The following TNIK variants were observed in gnomAD, a reference collection of about 807,000 sequenced individuals.
The protein encoded by TNIK is TRAF2 and NCK interacting kinase.
In TNIK, 49 loss-of-function variants were observed where a neutral mutation model predicts 191.3. The ratio of observed to expected loss-of-function variants is 0.26; its 90% confidence interval spans 0.20 to 0.32. TNIK has a LOEUF of 0.32. TNIK is among the 10% of genes least tolerant of loss of function. The pLI is 1.00. For missense variants in TNIK, 1,155 were observed against 1,702.3 expected, an observed-to-expected ratio of 0.68 and a Z score of 5.66; for synonymous variants, 594 against 600.9, an observed-to-expected ratio of 0.99 and a Z score of 0.17.
At chr3:171,116,140 C>G (rs138757097) in intron 18 of TNIK, among the ~76,000 whole-genome samples, 54 of 152,326 alleles carry the variant, frequency 3.5e-4, no homozygotes, top group African/African-American at 1.0e-3. Flanking sequence ...TCTACCTTTT[C>G]TTTTGGTAAA....
At chr3:171,427,434 T>C (rs1167110354) in intron 1 of TNIK, among the ~76,000 whole-genome samples, 1 of 152,216 alleles carries the variant, frequency 6.6e-6, no homozygotes, top group Non-Finnish European at 1.5e-5. Context: ...ATTGCCTCTG[T>C]AATCTACTAG....
chr3:171,442,656 A>G (rs1726970380), intron 1 of TNIK, among the ~76,000 whole-genome samples: 1 of 152,052 alleles, frequency 6.6e-6, no homozygotes, highest in South Asian at 2.1e-4. Flanking sequence ...AGTGATGAGG[A>G]CCTATAATAA....
At chr3:171,315,348 A>G (rs1754487393) in intron 2 of TNIK, among the ~76,000 whole-genome samples, 1 of 152,172 alleles carries the variant, frequency 6.6e-6, no homozygotes, top group South Asian at 2.1e-4. Flanking sequence ...TGGAACAAAT[A>G]TCCTGAACTC....
chr3:171,270,166 C>G (rs1009188802), intron 2 of TNIK, among the ~76,000 whole-genome samples: 1 of 152,128 alleles, frequency 6.6e-6, no homozygotes, highest in African/African-American at 2.4e-5. Context: ...TTAGAAGGAG[C>G]TACTCAGATA....
chr3:171,135,827 G>A (rs1345231239), intron 15 of TNIK, among the ~76,000 whole-genome samples: 1 of 152,162 alleles, frequency 6.6e-6, no homozygotes, highest in Non-Finnish European at 1.5e-5. Context: ...TGACCAGGAA[G>A]CATGAGGGAA....
intron 10 of TNIK, among the ~76,000 whole-genome samples, chr3:171,166,886 T>G (rs1032166577): frequency 6.6e-6 from 1 of 152,194 alleles, no homozygotes; most frequent in African/African-American, 2.4e-5. Flanking sequence ...AGGTAATGTT[T>G]CTTGCAGTTC....
chr3:171,258,887 T>C (rs1747231426), intron 2 of TNIK, among the ~76,000 whole-genome samples: 1 of 152,338 alleles, frequency 6.6e-6, no homozygotes, highest in Admixed American at 6.5e-5. Flanking sequence ...CTCCTTGGAC[T>C]GCTCAGAAGT....
chr3:171,337,914 A>G (rs1202545716), intron 2 of TNIK, among the ~76,000 whole-genome samples: 1 of 152,242 alleles, frequency 6.6e-6, no homozygotes, highest in Admixed American at 6.5e-5. Flanking sequence ...TAGGAAACTG[A>G]TAGAGAACCC....
intron 3 of TNIK, among the ~76,000 whole-genome samples, chr3:171,217,874 G>T (rs1281558036): frequency 1.3e-5 from 2 of 152,158 alleles, no homozygotes; most frequent in Non-Finnish European, 2.9e-5. Flanking sequence ...GTGTGATTGG[G>T]ATAGAAACAT....
At chr3:171,265,852 T>A (rs980855850) in intron 2 of TNIK, among the ~76,000 whole-genome samples, 1 of 151,960 alleles carries the variant, frequency 6.6e-6, no homozygotes, top group African/African-American at 2.4e-5. Flanking sequence ...TAAGCATTAT[T>A]TTTTTTTCCT....
intron 4 of TNIK, among the ~76,000 whole-genome samples, chr3:171,210,067 G>GA: frequency 6.6e-6 from 1 of 152,256 alleles, no homozygotes; most frequent in South Asian, 2.1e-4. Context: ...AAAACCTCTG[G>GA]AAAATGAGCA....
intron 2 of TNIK, among the ~76,000 whole-genome samples, chr3:171,362,223 C>T (rs1715090671): frequency 6.6e-6 from 1 of 152,090 alleles, no homozygotes; most frequent in Admixed American, 6.6e-5. Context: ...GAGACATTGG[C>T]TTTTTTAAGC....
intron 2 of TNIK, among the ~76,000 whole-genome samples, chr3:171,329,162 G>A (rs992241432): frequency 2.6e-5 from 4 of 151,916 alleles, no homozygotes; most frequent in Non-Finnish European, 2.9e-5. Context: ...TATCTGACAC[G>A]TTAACTATTA....
At chr3:171,325,122 A>G (rs942050422) in intron 2 of TNIK, among the ~76,000 whole-genome samples, 4 of 152,044 alleles carry the variant, frequency 2.6e-5, no homozygotes, top group Non-Finnish European at 5.9e-5. Flanking sequence ...AAATAAATAA[A>G]TAAAACAAAA....
Position 171,160,169 on chromosome 3 carries a change from T to C in TNIK, c.1016+1101A>G, listed in dbSNP as rs184818048. ...TAAACCGGGGACGGCCAACATGCTATGTATCAGATGGTAGGAAAGAAGTAT... is the reference window on the plus strand; with the variant it reads ...TAAACCGGGGACGGCCAACATGCTACGTATCAGATGGTAGGAAAGAAGTAT... On this transcript the variant is annotated intron_variant, in intron 11 of 32. Transcript: ENST00000436636. 1.4e-3 allele frequency among the ~76,000 whole-genome samples: 206 copies of C among 152,276 alleles called. 2 individuals are homozygous for C. The highest frequency in any genetic ancestry group is 0.013 in the Admixed American group (198 of 15,304).
intron 2 of TNIK, among the ~76,000 whole-genome samples, chr3:171,313,268 CTTTT>C (rs35028773): frequency 5.1e-5 from 6 of 118,358 alleles, no homozygotes; most frequent in South Asian, 2.6e-4. Flanking sequence ...TTCTTTCTTT[CTTTT>C]TTTTTAAATA....
At chr3:171,171,339 C>G (rs1735254962) in intron 9 of TNIK, among the ~76,000 whole-genome samples, 1 of 152,088 alleles carries the variant, frequency 6.6e-6, no homozygotes, top group Admixed American at 6.5e-5. Context: ...GTCTGACAAC[C>G]CACCAAGAAT....
intron 32 of TNIK, among the ~76,000 whole-genome samples, chr3:171,064,454 T>A (rs920764937): frequency 6.6e-6 from 1 of 152,224 alleles, no homozygotes; most frequent in Non-Finnish European, 1.5e-5. Context: ...AGTTTCAGAT[T>A]TCAGTTTTTT....
chr3:171,424,456 C>T (rs879875852), intron 1 of TNIK, among the ~76,000 whole-genome samples: 1 of 152,032 alleles, frequency 6.6e-6, no homozygotes, highest in Non-Finnish European at 1.5e-5. Flanking sequence ...CTAGAAATAC[C>T]ATTTGACCCA....
Sources: allele counts gnomAD v4.1 joint callset (sites outside exome capture counted in the v4.1 genomes callset), GRCh38; gene constraint gnomAD v4.1.1; transcripts MANE v1.5; gene names NCBI Gene and HGNC (gene_info 2026-07-23, HGNC 2026-07-21).